Variants in UBAC2 observed in about 807,000 individuals in gnomAD.
The protein encoded by UBAC2 is UBA domain containing 2.
In UBAC2, 26 loss-of-function variants were observed where a neutral mutation model predicts 44.0. The ratio of observed to expected loss-of-function variants is 0.59; its 90% CI spans 0.43 to 0.82. The LOEUF (loss-of-function observed/expected upper bound fraction) is 0.82, where lower values mean the gene tolerates loss of function less well. Among genes scored for constraint, UBAC2 ranks in the 40% least tolerant of loss-of-function variants. The pLI is 0.00. For missense variants in UBAC2, 329 were observed against 419.4 expected (o/e 0.78, Z 1.88); for synonymous variants, 155 against 154.3 (o/e 1.00, Z -0.04).
chr13:99,291,647 T>C (rs2044090252), intron 4 of UBAC2, among the ~76,000 whole-genome samples: 1 of 152,230 alleles, frequency 6.6e-6, no homozygotes, highest in Non-Finnish European at 1.5e-5. Context: ...AATTGCCTTG[T>C]TGGCTAATTA....
At chr13:99,370,901 C>A (rs1306318426) in intron 8 of UBAC2, among the ~76,000 whole-genome samples, 1 of 152,160 alleles carries the variant, frequency 6.6e-6, no homozygotes, top group Non-Finnish European at 1.5e-5. Context: ...AGCCCAATAA[C>A]CTGCCATGTG....
chr13:99,270,180 G>A (rs996416938), intron 4 of UBAC2, among the ~76,000 whole-genome samples: 1 of 152,094 alleles, frequency 6.6e-6, no homozygotes, highest in African/African-American at 2.4e-5. Flanking sequence ...ACTACGTAAG[G>A]TGAGGCAACA....
chr13:99,224,565 C>T (rs1321044684), intron 1 of UBAC2, among the ~76,000 whole-genome samples: 2 of 152,132 alleles, frequency 1.3e-5, no homozygotes, highest in East Asian at 1.9e-4. Context: ...ATTCACTGTG[C>T]ACCTCCCACC....
intron 8 of UBAC2, among the ~76,000 whole-genome samples, chr13:99,383,389 C>CTGTTTTT (rs966277152): frequency 5.9e-5 from 9 of 152,206 alleles, no homozygotes; most frequent in African/African-American, 1.4e-4. Context: ...TTGTTAGCTA[C>CTGTTTTT]TGTTTTTTGT....
chr13:99,298,116 T>A (rs2044203450), intron 4 of UBAC2, among the ~76,000 whole-genome samples: 1 of 152,090 alleles, frequency 6.6e-6, no homozygotes. Context: ...TTCACAACCA[T>A]GGTGGGAGAT....
At chr13:99,263,642 T>C (rs1366003981) in intron 4 of UBAC2, among the ~76,000 whole-genome samples, 2 of 152,180 alleles carry the variant, frequency 1.3e-5, no homozygotes, top group Admixed American at 1.3e-4. Flanking sequence ...CTCCTAGGTC[T>C]ATAACCAGTA....
intron 1 of UBAC2, among the ~76,000 whole-genome samples, chr13:99,233,453 AGG>A (rs1452529435): frequency 6.6e-6 from 1 of 152,156 alleles, no homozygotes; most frequent in Non-Finnish European, 1.5e-5. Context: ...ATTCCCTAAC[AGG>A]GATCCTTAGA....
At chr13:99,283,879 C>T (rs922104328) in intron 4 of UBAC2, among the ~76,000 whole-genome samples, 8 of 151,888 alleles carry the variant, frequency 5.3e-5, no homozygotes, top group Non-Finnish European at 1.0e-4. Context: ...AAATTACAGG[C>T]GTGTGCCACC....
At chr13:99,351,872 T>G (rs768372702) in intron 7 of UBAC2, 1 of 410,606 alleles carries the variant, frequency 2.4e-6, no homozygotes, top group South Asian at 1.7e-5. Context: ...ATCACCTCTG[T>G]GTTTTGCCTG....
intron 1 of UBAC2, among the ~76,000 whole-genome samples, chr13:99,209,178 T>A (rs1471767630): frequency 6.6e-6 from 1 of 152,184 alleles, no homozygotes; most frequent in Non-Finnish European, 1.5e-5. Flanking sequence ...GGTCACAGAT[T>A]TAGCACATGA....
intron 1 of UBAC2, among the ~76,000 whole-genome samples, chr13:99,206,938 C>T (rs1015628523): frequency 2.0e-5 from 3 of 152,248 alleles, no homozygotes; most frequent in African/African-American, 7.2e-5. Flanking sequence ...CAGCTTTGTT[C>T]CTTTCCTCCA....
intron 6 of UBAC2, among the ~76,000 whole-genome samples, chr13:99,322,934 T>C (rs1206472235): frequency 1.3e-5 from 2 of 152,158 alleles, no homozygotes; most frequent in Non-Finnish European, 2.9e-5. Flanking sequence ...TGTAGTACTT[T>C]TAAAGACAAA....
chr13:99,272,364 C>G (rs932639238), intron 4 of UBAC2, among the ~76,000 whole-genome samples: 12 of 152,216 alleles, frequency 7.9e-5, no homozygotes, highest in Admixed American at 7.9e-4. Flanking sequence ...CTGATCAACT[C>G]ATGGCCACCT....
At chr13:99,351,674 C>T (rs1485386790) in intron 7 of UBAC2, 1 of 456,582 alleles carries the variant, frequency 2.2e-6, no homozygotes, top group African/African-American at 2.0e-5. Context: ...TAAAACTTTC[C>T]ATTAGGCATT....
At chr13:99,237,770 C>G (rs192284795) in intron 1 of UBAC2, among the ~76,000 whole-genome samples, 90 of 152,318 alleles carry the variant, frequency 5.9e-4, no homozygotes, top group Admixed American at 5.9e-3. Flanking sequence ...GTCTGGCCAA[C>G]ATGGTGAAAC....
chr13:99,350,168 A>G (rs570610651), intron 7 of UBAC2, among the ~76,000 whole-genome samples: 3 of 152,334 alleles, frequency 2.0e-5, no homozygotes, highest in Non-Finnish European at 4.4e-5. Context: ...GATAATGTCC[A>G]TGATCATCTC....
At chr13:99,241,502 A>G (rs2043299640) in intron 2 of UBAC2, among the ~76,000 whole-genome samples, 1 of 152,184 alleles carries the variant, frequency 6.6e-6, no homozygotes, top group Non-Finnish European at 1.5e-5. Context: ...CAAAAGGACA[A>G]ATAAATGATC....
At chr13:99,242,627 G>C (rs1227231488) in intron 2 of UBAC2, among the ~76,000 whole-genome samples, 1 of 132,176 alleles carries the variant, frequency 7.6e-6, no homozygotes, top group African/African-American at 2.9e-5. Flanking sequence ...CTGGCCAGGC[G>C]GGGGGCTGAC....
At chr13:99,229,728 T>A (rs2043151783) in intron 1 of UBAC2, among the ~76,000 whole-genome samples, 1 of 152,368 alleles carries the variant, frequency 6.6e-6, no homozygotes, top group Admixed American at 6.5e-5. Flanking sequence ...CTGTGACTTT[T>A]AAAAATCTTC....
Sources: gnomAD v4.1 joint callset for allele counts (sites outside exome capture counted in the v4.1 genomes callset) on GRCh38, gnomAD v4.1.1 for gene constraint, MANE v1.5 for transcripts, NCBI Gene and HGNC (gene_info 2026-07-23, HGNC 2026-07-21) for gene names.